The following NCOA2 variants were observed in gnomAD, a reference collection of about 807,000 sequenced individuals.
The protein encoded by NCOA2 is nuclear receptor coactivator 2.
In NCOA2, 21 loss-of-function variants were observed where a neutral mutation model predicts 145.1. That is an observed-to-expected ratio of 0.14 (90% CI 0.10 to 0.21). The LOEUF (loss-of-function observed/expected upper bound fraction) is 0.21. Ranked by LOEUF, NCOA2 falls within the 10% of genes least tolerant of loss-of-function variation. NCOA2 has a pLI of 1.00. For missense variants in NCOA2, 1,472 were observed against 1,837.6 expected (o/e 0.80, Z 3.64); for synonymous variants, 619 against 637.5 (o/e 0.97, Z 0.44).
intron 1 of NCOA2, among the ~76,000 whole-genome samples, chr8:70,373,572 C>T (rs962037501): frequency 1.3e-5 from 2 of 152,032 alleles, no homozygotes; most frequent in Admixed American, 6.5e-5. Context: ...ATCATTTTTT[C>T]TTTTACACTT....
At chr8:70,196,442 T>C (rs1817322012) in intron 4 of NCOA2, among the ~76,000 whole-genome samples, 1 of 152,118 alleles carries the variant, frequency 6.6e-6, no homozygotes, top group Admixed American at 6.6e-5. Context: ...TGGATATACA[T>C]CGGCGATGAA....
At chr8:70,293,404 T>G (rs1364925410) in intron 2 of NCOA2, among the ~76,000 whole-genome samples, 1 of 152,364 alleles carries the variant, frequency 6.6e-6, no homozygotes, top group East Asian at 1.9e-4. Context: ...GGTCAAAGTT[T>G]CTCTTAGGCC....
intron 2 of NCOA2, among the ~76,000 whole-genome samples, chr8:70,261,866 T>C (rs932032281): frequency 6.6e-6 from 1 of 152,030 alleles, no homozygotes; most frequent in Non-Finnish European, 1.5e-5. Context: ...GATATGCTTT[T>C]ATAGAAAAAA....
rs879794482 is a variant in NCOA2 at position 70,111,004 on chromosome 8, G to C, written c.*2628C>G. On this transcript the variant is annotated 3_prime_UTR_variant, in exon 23 of 23. Coordinates refer to ENST00000452400, the MANE Select transcript of NCOA2 (RefSeq NM_006540.4). ...GCATGAGAAATACTGATAATGAAGG[G>C]AACTGATTTGGCTTTTGCTTCTATA... is the stretch of plus-strand genomic sequence containing the variant. The C allele has an allele frequency of 8.9e-6, 2 of 223,842 alleles. No individual in the cohort carries two copies. The highest frequency in any genetic ancestry group is 1.8e-5 in the Non-Finnish European group (2 of 112,192). The allele number at this position is 223,842 out of a possible 1,614,324, so 13.9% of individuals were successfully genotyped here.
At chr8:70,164,379 A>C (rs752577308) in intron 7 of NCOA2, among the ~76,000 whole-genome samples, 1 of 152,214 alleles carries the variant, frequency 6.6e-6, no homozygotes. Flanking sequence ...AAACTTAAGT[A>C]ATCCCTTCAT....
intron 15 of NCOA2, among the ~76,000 whole-genome samples, chr8:70,135,171 CTTGACA>C (rs1405854438): frequency 2.6e-5 from 4 of 152,132 alleles, no homozygotes; most frequent in Non-Finnish European, 5.9e-5. Flanking sequence ...AAACCAATAC[CTTGACA>C]TTTACCCCAT....
rs376695984 is a variant in NCOA2, at chr8:70,157,111, G to A, written c.1254C>T (p.Thr418=). 13 of 1,613,804 alleles carry A rather than the reference G, an allele frequency of 8.1e-6. No individual in the cohort carries two copies. In the African/African-American group the frequency reaches 1.6e-4, roughly 20 times the overall value. The change falls in exon 11 of 23, where the codon ACC becomes ACT. Residue 418 remains threonine, a synonymous_variant. Coordinates refer to ENST00000452400, the MANE Select transcript of NCOA2 (RefSeq NM_006540.4). The part of the protein sequence containing the change: ...LCSGNPGQDM[T]LSSNINFPIN... ...TGGGAAAATTTATATTGCTACTGAGGGTCATGTCCTGACCTGGGTTCCCAC... is the reference window on the plus strand; with the variant it reads ...TGGGAAAATTTATATTGCTACTGAGAGTCATGTCCTGACCTGGGTTCCCAC...
chr8:70,192,363 C>A (rs1392606036), intron 4 of NCOA2, among the ~76,000 whole-genome samples: 1 of 152,202 alleles, frequency 6.6e-6, no homozygotes, highest in Non-Finnish European at 1.5e-5. Flanking sequence ...TAGAGGAAGA[C>A]AGCAGAATGG....
intron 1 of NCOA2, among the ~76,000 whole-genome samples, chr8:70,336,632 G>A (rs1409184054): frequency 6.6e-6 from 1 of 152,026 alleles, no homozygotes; most frequent in East Asian, 1.9e-4. Flanking sequence ...AAGAGAGAGA[G>A]AAAACGGAGG....
At chr8:70,367,702 G>A (rs1462598544) in intron 1 of NCOA2, among the ~76,000 whole-genome samples, 1 of 152,098 alleles carries the variant, frequency 6.6e-6, no homozygotes, top group Non-Finnish European at 1.5e-5. Flanking sequence ...AAGTGCTAAG[G>A]ATTTTTAAAG....
intron 2 of NCOA2, among the ~76,000 whole-genome samples, chr8:70,233,880 T>C (rs1406098027): frequency 1.3e-5 from 2 of 152,294 alleles, no homozygotes; most frequent in East Asian, 3.9e-4. Context: ...TCACATGTCG[T>C]AAAATGCAGC....
intron 15 of NCOA2, among the ~76,000 whole-genome samples, chr8:70,135,338 T>A (rs1191736413): frequency 6.6e-6 from 1 of 152,210 alleles, no homozygotes; most frequent in Non-Finnish European, 1.5e-5. Context: ...AAACACAACT[T>A]CACACCATGC....
intron 1 of NCOA2, among the ~76,000 whole-genome samples, chr8:70,339,211 T>G (rs1807902859): frequency 6.6e-6 from 1 of 152,172 alleles, no homozygotes; most frequent in African/African-American, 2.4e-5. Context: ...GAAAGCTTCC[T>G]AAACTGATAA....
chr8:70,272,179 C>G (rs1369437047), intron 2 of NCOA2, among the ~76,000 whole-genome samples: 2 of 152,208 alleles, frequency 1.3e-5, no homozygotes, highest in Non-Finnish European at 2.9e-5. Flanking sequence ...CTTGAAACAT[C>G]AAGGTTTTTC....
At chr8:70,303,217 T>A (rs1413657596) in intron 1 of NCOA2, among the ~76,000 whole-genome samples, 1 of 152,204 alleles carries the variant, frequency 6.6e-6, no homozygotes, top group Non-Finnish European at 1.5e-5. Context: ...AAGATTTCTT[T>A]GGCAGAAAAT....
At chr8:70,343,267 G>A (rs1482298221) in intron 1 of NCOA2, among the ~76,000 whole-genome samples, 2 of 152,070 alleles carry the variant, frequency 1.3e-5, no homozygotes, top group African/African-American at 2.4e-5. Context: ...TGCCTTTTCA[G>A]GTTCTTAAGT....
intron 4 of NCOA2, among the ~76,000 whole-genome samples, chr8:70,188,957 A>T (rs1816372097): frequency 2.6e-5 from 4 of 152,130 alleles, no homozygotes; most frequent in African/African-American, 9.6e-5. Context: ...AAACTGATTT[A>T]ACTCTCAGTA....
intron 1 of NCOA2, among the ~76,000 whole-genome samples, chr8:70,323,416 C>T (rs1194398152): frequency 1.3e-5 from 2 of 151,858 alleles, no homozygotes; most frequent in Admixed American, 6.6e-5. Context: ...GTAGCAACAG[C>T]GAGAAAGCAC....
chr8:70,283,811 T>C (rs1826049402), intron 2 of NCOA2, among the ~76,000 whole-genome samples: 1 of 152,230 alleles, frequency 6.6e-6, no homozygotes, highest in Non-Finnish European at 1.5e-5. Context: ...TCCAAAAATC[T>C]GAAATCCTGT....
Sources: allele counts gnomAD v4.1 joint callset (sites outside exome capture counted in the v4.1 genomes callset), GRCh38; gene constraint gnomAD v4.1.1; transcripts MANE v1.5; gene names NCBI Gene and HGNC (gene_info 2026-07-23, HGNC 2026-07-21).